Variants in VPS41 observed in about 807,000 individuals in gnomAD.
The protein encoded by VPS41 is VPS41 subunit of HOPS complex, also known as vacuolar protein sorting-associated protein 41 homolog.
A neutral mutation model predicts 130.9 loss-of-function variants in VPS41; 85 were observed. That is an observed-to-expected ratio of 0.65 (90% CI 0.55 to 0.78). The LOEUF is 0.78. Ranked by LOEUF, VPS41 falls within the 30% of genes least tolerant of loss-of-function variation. The probability of loss-of-function intolerance (pLI) is 0.00; values close to 1 mark genes in which losing one functional copy is unlikely to be tolerated. For missense variants in VPS41, 874 were observed against 1,018.7 expected, an observed-to-expected ratio of 0.86 and a Z score of 1.93; for synonymous variants, 335 against 332.9, an observed-to-expected ratio of 1.01 and a Z score of -0.07.
Position 38,908,995 on chromosome 7 carries a change from C to T in VPS41, c.21+159G>A, listed in dbSNP as rs2072247. 0.26 allele frequency among the ~76,000 whole-genome samples: 39,230 copies of T among 152,120 alleles called. 6,465 individuals carry two copies. Among genetic ancestry groups the T allele is most frequent in the Non-Finnish European group, 0.38 (25,694 of 67,950 alleles). ...CCCGGGGCTGGCATCCTCTCTGCTC[C>T]CCGAAACCAACTTTCGCCATCCCAC... is the stretch of plus-strand genomic sequence containing the variant. On this transcript the variant is annotated intron_variant, in intron 1 of 28. Transcript: ENST00000310301.
intron 24 of VPS41, among the ~76,000 whole-genome samples, 156 bp downstream of exon 24, chr7:38,743,246 G>A (rs1795919551): frequency 6.6e-6 from 1 of 152,166 alleles, no homozygotes; most frequent in Non-Finnish European, 1.5e-5. Context: ...CACAGGAGGA[G>A]TATTGGAAAT....
intron 17 of VPS41, among the ~76,000 whole-genome samples, chr7:38,760,133 C>G (rs1281293902): frequency 6.6e-6 from 1 of 152,162 alleles, no homozygotes; most frequent in Non-Finnish European, 1.5e-5. Context: ...TCAGTCTCTA[C>G]TCCCTGATTC....
chr7:38,828,275 T>C (rs1785320347), intron 5 of VPS41, among the ~76,000 whole-genome samples: 1 of 151,008 alleles, frequency 6.6e-6, no homozygotes, highest in African/African-American at 2.4e-5. Flanking sequence ...ATACGATATG[T>C]GTGTCTCAAA....
At chr7:38,891,659 CA>C (rs1415334154) in intron 2 of VPS41, among the ~76,000 whole-genome samples, 1 of 152,136 alleles carries the variant, frequency 6.6e-6, no homozygotes, top group Non-Finnish European at 1.5e-5. Flanking sequence ...TTCTTAATGG[CA>C]TTTTTATAAA....
At chr7:38,811,596 TACAC>T (rs35859906) in intron 7 of VPS41, among the ~76,000 whole-genome samples, 3,251 of 148,472 alleles carry the variant, frequency 0.022, 42 homozygotes, top group African/African-American at 0.043. Flanking sequence ...TGTTTTGTCA[TACAC>T]ACACACACAC....
intron 7 of VPS41, among the ~76,000 whole-genome samples, chr7:38,803,055 A>G (rs1018497219): frequency 1.3e-5 from 2 of 152,224 alleles, no homozygotes; most frequent in African/African-American, 2.4e-5. Context: ...TTATATTTCA[A>G]TATGAGCCCT....
chr7:38,746,535 C>T (rs949166037), intron 22 of VPS41, among the ~76,000 whole-genome samples: 3 of 151,890 alleles, frequency 2.0e-5, no homozygotes, highest in Non-Finnish European at 2.9e-5. Context: ...CATTATTCCA[C>T]GATTAGAGTA....
intron 5 of VPS41, among the ~76,000 whole-genome samples, chr7:38,823,884 T>A (rs1045088838): frequency 3.9e-5 from 6 of 152,188 alleles, no homozygotes; most frequent in Non-Finnish European, 7.3e-5. Context: ...TCATTACTTT[T>A]ATGGAAATAT....
chr7:38,815,332 G>A (rs546526447), intron 7 of VPS41, among the ~76,000 whole-genome samples: 1 of 152,220 alleles, frequency 6.6e-6, no homozygotes, highest in African/African-American at 2.4e-5. Flanking sequence ...GCTGAGGCAG[G>A]AGAATTCCTT....
chr7:38,843,022 G>C (rs1258066921), intron 4 of VPS41, among the ~76,000 whole-genome samples: 4 of 152,156 alleles, frequency 2.6e-5, no homozygotes, highest in African/African-American at 9.7e-5. Context: ...CTCATGCAAT[G>C]AGAAAACAGG....
intron 8 of VPS41, 164 bp downstream of exon 8, chr7:38,796,581 A>C: frequency 1.0e-6 from 1 of 992,916 alleles, no homozygotes; most frequent in Non-Finnish European, 1.5e-6. Flanking sequence ...AGCCAAAAGC[A>C]ATCTAATTTC....
At chr7:38,781,082 C>A (rs2115895153) in intron 10 of VPS41, among the ~76,000 whole-genome samples, 1 of 152,250 alleles carries the variant, frequency 6.6e-6, no homozygotes, top group South Asian at 2.1e-4. Context: ...AACCTCTTTT[C>A]TTTATAAATT....
intron 7 of VPS41, among the ~76,000 whole-genome samples, chr7:38,812,300 T>C (rs950905458): frequency 2.6e-5 from 4 of 152,144 alleles, no homozygotes; most frequent in Admixed American, 1.3e-4. Context: ...GGGAAAAGAA[T>C]AGTCTTTGCA....
chr7:38,749,479 A>T (rs1796050304), intron 22 of VPS41, among the ~76,000 whole-genome samples: 1 of 152,216 alleles, frequency 6.6e-6, no homozygotes, highest in South Asian at 2.1e-4. Flanking sequence ...TGGGTTCTGA[A>T]TATGCCTTTG....
intron 2 of VPS41, among the ~76,000 whole-genome samples, chr7:38,894,465 G>A (rs1341715368): frequency 6.6e-6 from 1 of 152,136 alleles, no homozygotes; most frequent in Non-Finnish European, 1.5e-5. Context: ...GGGGGGAAGT[G>A]GGGGAGGAAT....
At position 38,724,501 on chromosome 7, in the gene VPS41, C is replaced by A. The variant is rs1795497486; in HGVS notation, c.*1745G>T. ...TCTAAGTATTTGTGACTAACAACAACAAAAAAATCTGTTGTTTGCTAGAGA... is the reference window on the plus strand; with the variant it reads ...TCTAAGTATTTGTGACTAACAACAAAAAAAAAATCTGTTGTTTGCTAGAGA... On this transcript the variant is annotated 3_prime_UTR_variant, in exon 29 of 29. Transcript: ENST00000310301. 6.6e-6 allele frequency: 1 copy of A among 152,070 alleles called. No homozygotes were observed. Among genetic ancestry groups the A allele is most frequent in the Admixed American group, 6.6e-5 (1 of 15,260 alleles). 9.4% of individuals were successfully genotyped at this position (152,070 alleles called of 1,614,324 possible).
intron 10 of VPS41, among the ~76,000 whole-genome samples, chr7:38,781,834 A>G (rs1448114758): frequency 6.6e-6 from 1 of 152,188 alleles, no homozygotes; most frequent in Admixed American, 6.5e-5. Flanking sequence ...GATTTCTTAC[A>G]TCACTTTTTA....
At chr7:38,843,425 G>A (rs896574093) in intron 4 of VPS41, among the ~76,000 whole-genome samples, 1 of 152,158 alleles carries the variant, frequency 6.6e-6, no homozygotes, top group Non-Finnish European at 1.5e-5. Flanking sequence ...GCTCATGCCT[G>A]TAATCCCAGC....
intron 4 of VPS41, among the ~76,000 whole-genome samples, chr7:38,849,958 T>A (rs1464128549): frequency 6.6e-6 from 1 of 152,124 alleles, no homozygotes; most frequent in Middle Eastern, 3.2e-3. Flanking sequence ...AAAATACAAT[T>A]TTCCCTTAGA....
Sources: allele counts gnomAD v4.1 joint callset (sites outside exome capture counted in the v4.1 genomes callset), GRCh38; gene constraint gnomAD v4.1.1; transcripts MANE v1.5; gene names NCBI Gene and HGNC (gene_info 2026-07-23, HGNC 2026-07-21).